The following ZNF44 variants were observed in gnomAD, a reference collection of about 807,000 sequenced individuals.
The protein encoded by ZNF44 is gonadotropin inducible transcription repressor-2.
In ZNF44, 9 loss-of-function variants were observed where a neutral mutation model predicts 11.7. The observed-to-expected ratio is 0.77, with a 90% confidence interval of 0.46 to 1.35. ZNF44 has a LOEUF of 1.35. ZNF44 is among the 40% of genes most tolerant of loss of function. ZNF44 has a pLI of 0.00. For synonymous variants in ZNF44, 224 were observed against 242.7 expected (o/e 0.92, Z 0.72); for missense variants, 696 against 743.1 (o/e 0.94, Z 0.74).
chr19:12,269,238 A>G (rs925275812), downstream of ZNF44, among the ~76,000 whole-genome samples: 5 of 152,128 alleles, frequency 3.3e-5, no homozygotes, highest in African/African-American at 4.8e-5. Flanking sequence ...CATTCTAAAA[A>G]AGAAGGCCGG....
chr19:12,225,530 A>G (rs1392998488), downstream of ZNF44, among the ~76,000 whole-genome samples: 5 of 152,192 alleles, frequency 3.3e-5, no homozygotes, highest in Non-Finnish European at 5.9e-5. Flanking sequence ...TGGTTTGGAA[A>G]GGCCCATGTG....
chr19:12,285,022 C>T, intron 1 of ZNF44: 1 of 704,650 alleles, frequency 1.4e-6, no homozygotes, highest in East Asian at 2.5e-5. Flanking sequence ...GCCAAGGCCA[C>T]CTTTGATGTC....
intron 1 of ZNF44, chr19:12,291,364 C>G (rs1035426088): frequency 1.1e-4 from 44 of 396,648 alleles, no homozygotes; most frequent in African/African-American, 8.9e-4. Context: ...GAAGAGTTTT[C>G]CCAAATTTTT....
downstream of ZNF44, among the ~76,000 whole-genome samples, chr19:12,244,362 G>A (rs1599493626): frequency 6.6e-6 from 1 of 152,104 alleles, no homozygotes; most frequent in Non-Finnish European, 1.5e-5. Flanking sequence ...CAACTTGTTG[G>A]TGCGTCCCAG....
exon 8 of ZNF44, chr19:12,247,948 G>A: frequency 7.4e-7 from 1 of 1,350,916 alleles, no homozygotes; most frequent in Middle Eastern, 2.1e-4. Flanking sequence ...CATTTGTAGG[G>A]TTTCTCTCCA....
At chr19:12,225,902 A>G (rs1400681095), downstream of ZNF44, among the ~76,000 whole-genome samples, 3 of 152,162 alleles carry the variant, frequency 2.0e-5, no homozygotes, top group Non-Finnish European at 4.4e-5. Context: ...CTGAAACATC[A>G]AGTTTTCAGT....
chr19:12,245,219 A>C (rs1437872985), downstream of ZNF44, among the ~76,000 whole-genome samples: 4 of 152,238 alleles, frequency 2.6e-5, no homozygotes, highest in Non-Finnish European at 5.9e-5. Context: ...TGTATAATGA[A>C]TAACCTGACA....
At chr19:12,260,314 C>A in intron 5 of ZNF44, 1 of 878,184 alleles carries the variant, frequency 1.1e-6, no homozygotes, top group Admixed American at 1.8e-5. Flanking sequence ...GTGGTGGTCA[C>A]GAAGCAGAGA....
chr19:12,284,442 C>T (rs1001323111), intron 1 of ZNF44: 36 of 636,320 alleles, frequency 5.7e-5, no homozygotes, highest in Admixed American at 5.4e-4. Flanking sequence ...CATCCGGGGC[C>T]GGGGCCGCGG....
At chr19:12,241,727 C>T (rs2145684277), upstream of ZNF44, among the ~76,000 whole-genome samples, 1 of 152,254 alleles carries the variant, frequency 6.6e-6, no homozygotes, top group Non-Finnish European at 1.5e-5. Flanking sequence ...GGGACTCAGA[C>T]ACATACGCAC....
Position 12,256,871 on chromosome 19 carries a change from A to C in ZNF44, c.1913-6503T>G, listed in dbSNP as rs551107315. On this transcript the variant is annotated intron_variant and NMD_transcript_variant, in intron 5 of 7. Transcript: ENST00000393337. ...AGGCGCTCACCATCACACCGGGCAA[A>C]TTTTTGCATTTTTTAAAGTAGGGAC... Among the ~76,000 whole-genome samples the C allele has an allele frequency of 1.1e-4, 17 of 151,448 alleles. 1 individual carries two copies. The East Asian group carries it at 3.1e-3, about 28-fold the overall frequency.
rs1003240402 is a variant in ZNF44 at position 12,266,439 on chromosome 19, G to A, written c.1912+6048C>T. On this transcript the variant is annotated intron_variant and NMD_transcript_variant, in intron 5 of 7. Transcript: ENST00000393337. ...AGAGGGAAAAAAAACCCAAACCCAC[G>A]GGCTTTAGCGCGTCGCCCCGCCTGC... 2.5e-5 allele frequency: 16 copies of A among 642,318 alleles called. No individual in the cohort carries two copies. In the African/African-American group the frequency reaches 2.6e-4, roughly 10 times the overall value. 39.8% of individuals were successfully genotyped at this position (642,318 alleles called of 1,614,324 possible).
intron 1 of ZNF44, among the ~76,000 whole-genome samples, chr19:12,279,278 T>C (rs1967367231): frequency 6.6e-6 from 1 of 152,042 alleles, no homozygotes; most frequent in Non-Finnish European, 1.5e-5. Context: ...ACCAGAACTT[T>C]GGGAGGCTGA....
At chr19:12,268,669 A>G (rs970096767), downstream of ZNF44, among the ~76,000 whole-genome samples, 2 of 152,038 alleles carry the variant, frequency 1.3e-5, no homozygotes, top group African/African-American at 4.8e-5. Flanking sequence ...CCACAGCCTC[A>G]AACTCCTGGG....
intron 2 of ZNF44, among the ~76,000 whole-genome samples, chr19:12,232,664 C>T (rs539649552): frequency 4.5e-4 from 68 of 152,250 alleles, no homozygotes; most frequent in African/African-American, 1.5e-3. Flanking sequence ...TTGGGACTAA[C>T]GTTATAGATT....
intron 1 of ZNF44, among the ~76,000 whole-genome samples, chr19:12,283,177 G>A (rs759086558): frequency 2.6e-5 from 4 of 152,100 alleles, no homozygotes; most frequent in Non-Finnish European, 4.4e-5. Context: ...CATGAAAGGC[G>A]CAATGTAACC....
chr19:12,248,100 T>G (rs778691326), exon 8 of ZNF44: 34 of 1,310,172 alleles, frequency 2.6e-5, no homozygotes, highest in Non-Finnish European at 3.4e-5. Flanking sequence ...TTTTCCACAT[T>G]GTTTACATTC....
chr19:12,260,152 C>T (rs1917442297), intron 5 of ZNF44: 3 of 753,184 alleles, frequency 4.0e-6, no homozygotes. Context: ...AATGGATGGT[C>T]GTGCAGAACT....
intron 1 of ZNF44, among the ~76,000 whole-genome samples, chr19:12,277,402 G>T (rs1329322923): frequency 6.6e-6 from 1 of 152,182 alleles, no homozygotes; most frequent in Admixed American, 6.5e-5. Flanking sequence ...ACAGAATTCA[G>T]TGTCAGCTTT....
Sources: gnomAD v4.1 joint callset for allele counts (sites outside exome capture counted in the v4.1 genomes callset) on GRCh38, gnomAD v4.1.1 for gene constraint, MANE v1.5 for transcripts, NCBI Gene and HGNC (gene_info 2026-07-23, HGNC 2026-07-21) for gene names.